ARHGAP24: variants seen among roughly 807,000 people sequenced by gnomAD.
The protein encoded by ARHGAP24 is rho GTPase-activating protein 24.
A neutral mutation model predicts 76.4 loss-of-function variants in ARHGAP24; 50 were observed. The ratio of observed to expected loss-of-function variants is 0.65; its 90% CI spans 0.52 to 0.83. The LOEUF (loss-of-function observed/expected upper bound fraction) is 0.83, where lower values mean the gene tolerates loss of function less well. Ranked by LOEUF, ARHGAP24 falls within the 40% of genes least tolerant of loss-of-function variation. ARHGAP24 has a pLI of 0.00. For missense variants in ARHGAP24, 930 were observed against 914.2 expected (o/e 1.02, Z -0.22); for synonymous variants, 345 against 323.3 (o/e 1.07, Z -0.72).
chr4:85,485,393 A>G (rs1473324721), intron 1 of ARHGAP24, among the ~76,000 whole-genome samples: 1 of 114,942 alleles, frequency 8.7e-6, no homozygotes, highest in Non-Finnish European at 1.7e-5. Context: ...ATATATATAT[A>G]TATATATATA....
chr4:85,627,192 A>G (rs1377589629), intron 2 of ARHGAP24, among the ~76,000 whole-genome samples: 4 of 151,778 alleles, frequency 2.6e-5, no homozygotes, highest in Non-Finnish European at 5.9e-5. Flanking sequence ...TTTTTTCCCC[A>G]TCTTTGTGGT....
chr4:85,988,295 CTTA>C (rs903484169), intron 8 of ARHGAP24, among the ~76,000 whole-genome samples: 4 of 151,648 alleles, frequency 2.6e-5, no homozygotes, highest in East Asian at 1.9e-4. Flanking sequence ...AATATTTTTT[CTTA>C]TTATTAATCT....
At chr4:85,790,546 TC>T (rs1426845448) in intron 3 of ARHGAP24, among the ~76,000 whole-genome samples, 9 of 152,172 alleles carry the variant, frequency 5.9e-5, no homozygotes, top group Middle Eastern at 3.2e-3. Context: ...CTTTTGCTCT[TC>T]CCAGAGTAAA....
At chr4:85,626,864 G>T (rs938342909) in intron 2 of ARHGAP24, among the ~76,000 whole-genome samples, 2 of 151,926 alleles carry the variant, frequency 1.3e-5, no homozygotes, top group Admixed American at 6.6e-5. Context: ...CTAGTTGATC[G>T]CATCGGCTAC....
intron 2 of ARHGAP24, among the ~76,000 whole-genome samples, chr4:85,629,703 A>G (rs1482352006): frequency 2.0e-5 from 3 of 152,186 alleles, no homozygotes; most frequent in Admixed American, 6.5e-5. Flanking sequence ...GGTTCTGCTG[A>G]GAAATCATCT....
intron 1 of ARHGAP24, among the ~76,000 whole-genome samples, chr4:85,551,416 T>C (rs1043491500): frequency 6.6e-6 from 1 of 152,236 alleles, no homozygotes; most frequent in Non-Finnish European, 1.5e-5. Context: ...AGTGTGCTCC[T>C]GGATTCAGAT....
chr4:85,475,628 AGGGGAGGGGG>A (rs1722549379), intron 1 of ARHGAP24, 69 bp downstream of exon 1: 2 of 76,476 alleles, frequency 2.6e-5, no homozygotes, highest in Non-Finnish European at 5.3e-5. Flanking sequence ...TGCCTGCGCC[AGGGGAGGGGG>A]CTGCGGGGGG....
chr4:85,703,507 G>A (rs1254981007), intron 2 of ARHGAP24, among the ~76,000 whole-genome samples: 1 of 152,094 alleles, frequency 6.6e-6, no homozygotes, highest in Non-Finnish European at 1.5e-5. Context: ...TGGGAACTTG[G>A]GGGAGTTGAT....
intron 2 of ARHGAP24, among the ~76,000 whole-genome samples, chr4:85,644,976 T>C (rs912877278): frequency 6.6e-6 from 1 of 152,144 alleles, no homozygotes; most frequent in Non-Finnish European, 1.5e-5. Flanking sequence ...GGCTTCATGA[T>C]GATAGTCGTG....
At chr4:85,894,022 C>A (rs368738349) in intron 3 of ARHGAP24, among the ~76,000 whole-genome samples, 10 of 143,758 alleles carry the variant, frequency 7.0e-5, no homozygotes, top group African/African-American at 1.0e-4. Flanking sequence ...GTGGGTGCAG[C>A]GCACCAGCAT....
At position 85,902,525 on chromosome 4, in the gene ARHGAP24, A is replaced by C. The variant is rs190779090; in HGVS notation, c.269-21123A>C. On this transcript the variant is annotated intron_variant, in intron 3 of 9. Coordinates refer to ENST00000395184, the MANE Select transcript of ARHGAP24 (RefSeq NM_001025616.3). Reference sequence around the variant, plus strand: ...ATATTTAAGGTTGGCTGAGAGAAGAAAGTAAAACCTCCATGGTCTGGTAAT... The same window carrying C: ...ATATTTAAGGTTGGCTGAGAGAAGACAGTAAAACCTCCATGGTCTGGTAAT... Among the ~76,000 whole-genome samples, 13 of 152,312 alleles carry C rather than the reference A, an allele frequency of 8.5e-5. No homozygotes were observed. In the East Asian group the frequency reaches 2.5e-3, roughly 29 times the overall value.
At chr4:85,574,246 C>T (rs1727270358) in intron 2 of ARHGAP24, among the ~76,000 whole-genome samples, 1 of 152,130 alleles carries the variant, frequency 6.6e-6, no homozygotes, top group Admixed American at 6.5e-5. Flanking sequence ...CAAACTCCAT[C>T]ATTATCCTTA....
chr4:85,647,350 A>G (rs1055278632), intron 2 of ARHGAP24, among the ~76,000 whole-genome samples: 1 of 152,082 alleles, frequency 6.6e-6, no homozygotes, highest in African/African-American at 2.4e-5. Flanking sequence ...AAATTATCTA[A>G]CATTCCTCTG....
chr4:85,499,522 G>A (rs2110098234), intron 1 of ARHGAP24, among the ~76,000 whole-genome samples: 1 of 152,316 alleles, frequency 6.6e-6, no homozygotes, highest in African/African-American at 2.4e-5. Context: ...AATATTTGAA[G>A]CTATGAAAAA....
chr4:85,680,242 A>G (rs949614110), intron 2 of ARHGAP24, among the ~76,000 whole-genome samples: 1 of 152,176 alleles, frequency 6.6e-6, no homozygotes. Flanking sequence ...CCAGAGGTTT[A>G]CCTTTATATC....
At chr4:85,865,907 G>T (rs1732173101) in intron 3 of ARHGAP24, among the ~76,000 whole-genome samples, 1 of 151,748 alleles carries the variant, frequency 6.6e-6, no homozygotes, top group Non-Finnish European at 1.5e-5. Flanking sequence ...AATTTATATT[G>T]AAAAACAAGA....
chr4:85,599,957 T>C (rs912875722), intron 2 of ARHGAP24, among the ~76,000 whole-genome samples: 6 of 152,188 alleles, frequency 3.9e-5, no homozygotes, highest in Non-Finnish European at 8.8e-5. Context: ...GTATCATGGT[T>C]TGAGCCTCAT....
At chr4:85,863,275 C>A (rs1732006043) in intron 3 of ARHGAP24, among the ~76,000 whole-genome samples, 1 of 152,078 alleles carries the variant, frequency 6.6e-6, no homozygotes, top group Admixed American at 6.6e-5. Flanking sequence ...CAGTTTAAAA[C>A]TCAGAGAAGC....
At chr4:85,703,705 G>A (rs1724189680) in intron 2 of ARHGAP24, among the ~76,000 whole-genome samples, 1 of 152,140 alleles carries the variant, frequency 6.6e-6, no homozygotes, top group African/African-American at 2.4e-5. Context: ...AGAACTGTGA[G>A]AAAGACATTT....
Sources: gnomAD v4.1 joint callset for allele counts (sites outside exome capture counted in the v4.1 genomes callset) on GRCh38, gnomAD v4.1.1 for gene constraint, MANE v1.5 for transcripts, NCBI Gene and HGNC (gene_info 2026-07-23, HGNC 2026-07-21) for gene names.